GLS: variants seen among roughly 807,000 people sequenced by gnomAD.
GLS encodes the protein glutaminase kidney isoform, mitochondrial.
GLS carries 36 observed loss-of-function variants against 86.7 expected under a neutral mutation model. The ratio of observed to expected loss-of-function variants is 0.42; its 90% CI spans 0.32 to 0.55. The LOEUF (loss-of-function observed/expected upper bound fraction) is 0.55. Among genes scored for constraint, GLS ranks in the 20% least tolerant of loss-of-function variants. The pLI is 0.17. For missense variants in GLS, 528 were observed against 833.4 expected, an observed-to-expected ratio of 0.63 and a Z score of 4.51; for synonymous variants, 317 against 305.9, an observed-to-expected ratio of 1.04 and a Z score of -0.38.
In GLS at chr2:190,953,496, C is replaced by A; in HGVS notation, c.1651-69C>A. On this transcript the variant is annotated intron_variant, in intron 14 of 17. Coordinates refer to ENST00000320717, the MANE Select transcript of GLS (RefSeq NM_014905.5). This position sits in a 1 kb window ranked among gnomAD's most constrained non-coding sequence, Gnocchi z 4.0. ...GTTCAAAGCACATGGAAATCACTTG[C>A]CAGTGACAGGTGGACGTTGTATGTG... 9.9e-7 allele frequency: 1 copy of A among 1,013,058 alleles called. No homozygotes were observed. Among genetic ancestry groups the A allele is most frequent in the Non-Finnish European group, 1.6e-6 (1 of 634,530 alleles). 62.8% of individuals were successfully genotyped at this position (1,013,058 alleles called of 1,614,324 possible).
At position 190,956,565 on chromosome 2, in the gene GLS, G is replaced by A. The variant is rs1690865794; in HGVS notation, c.1853+1747G>A. Among the ~76,000 whole-genome samples, 1 of 152,094 alleles carries A rather than the reference G, an allele frequency of 6.6e-6. No individual in the cohort carries two copies. The highest frequency in any genetic ancestry group is 1.5e-5 in the Non-Finnish European group (1 of 68,026). ...CCTCCAGCTTTCTTCTTTTTGCTTA[G>A]GATCGTCTTGGCTATGTGGGCTCTT... On this transcript the variant is annotated intron_variant, in intron 17 of 17. Coordinates refer to ENST00000320717, the MANE Select transcript of GLS (RefSeq NM_014905.5). The surrounding 1 kb of genome is among the most constrained non-coding windows in gnomAD (Gnocchi z 4.2).
intron 14 of GLS, chr2:190,932,716 C>T: frequency 6.3e-7 from 1 of 1,584,780 alleles, no homozygotes; most frequent in Non-Finnish European, 8.6e-7. Flanking sequence ...GAACAACTAG[C>T]ATTCCTTTGG....
chr2:190,881,732 T>A (rs1000371080), intron 1 of GLS, among the ~76,000 whole-genome samples: 2 of 152,096 alleles, frequency 1.3e-5, no homozygotes, highest in Non-Finnish European at 2.9e-5. Context: ...CGGTGGGGCC[T>A]GATGGGCTCG....
At chr2:190,901,079 T>A (rs1197207970) in intron 4 of GLS, among the ~76,000 whole-genome samples, 1 of 151,980 alleles carries the variant, frequency 6.6e-6, no homozygotes, top group Non-Finnish European at 1.5e-5. Flanking sequence ...AAAGTTTTCA[T>A]TTTCTTTTGT....
At chr2:190,889,792 A>G (rs185526577) in intron 1 of GLS, among the ~76,000 whole-genome samples, 6 of 152,292 alleles carry the variant, frequency 3.9e-5, no homozygotes, top group African/African-American at 1.4e-4. Context: ...TTCCTCACAT[A>G]AAGTGGCTTT....
rs80136482 is a variant in GLS at position 190,961,577 on chromosome 2, T to C, written c.1854-1253T>C. Among the ~76,000 whole-genome samples, 1,116 of 152,264 alleles carry C rather than the reference T, an allele frequency of 7.3e-3. 12 individuals carry two copies. The highest frequency in any genetic ancestry group is 0.042 in the East Asian group (217 of 5,194). On this transcript the variant is annotated intron_variant, in intron 17 of 17. Coordinates refer to ENST00000320717, the MANE Select transcript of GLS (RefSeq NM_014905.5). ...AAGGTAACACGCAGTTGACATTCCA[T>C]TTTTCCAGAAAGACAGATAATTACA...
intron 11 of GLS, chr2:190,927,029 G>A (rs1182095127): frequency 3.6e-6 from 1 of 277,726 alleles, no homozygotes; most frequent in African/African-American, 2.2e-5. Context: ...AATATCACAT[G>A]GGATAATAAC....
intron 14 of GLS, among the ~76,000 whole-genome samples, chr2:190,952,006 A>G (rs1272934549): frequency 3.3e-5 from 5 of 152,190 alleles, no homozygotes; most frequent in Admixed American, 6.5e-5. Flanking sequence ...GGAGTTCAAG[A>G]CCAGCCTGGC....
At chr2:190,885,188 GA>G (rs1487250326) in intron 1 of GLS, among the ~76,000 whole-genome samples, 1 of 150,550 alleles carries the variant, frequency 6.6e-6, no homozygotes, top group African/African-American at 2.4e-5. Flanking sequence ...TGTATACTCT[GA>G]AAATTGAATT....
At chr2:190,907,383 GAGT>G (rs371225359) in intron 6 of GLS, among the ~76,000 whole-genome samples, 9 of 151,752 alleles carry the variant, frequency 5.9e-5, no homozygotes, top group African/African-American at 2.2e-4. Context: ...TCAGCCTCCC[GAGT>G]AGCTGGGATT....
chr2:190,960,495 G>C (rs1170985789), intron 17 of GLS, among the ~76,000 whole-genome samples: 1 of 151,274 alleles, frequency 6.6e-6, no homozygotes, highest in Non-Finnish European at 1.5e-5. Context: ...CTCCTGAGTA[G>C]CTGCAATCAC....
chr2:190,954,452 G>T lies in GLS; in HGVS notation c.1713-132G>T, dbSNP rs1323981199. 1 of 639,916 alleles carries T rather than the reference G, an allele frequency of 1.6e-6. No individual in the cohort carries two copies. The allele number at this position is 639,916 out of a possible 1,614,324, so 39.6% of individuals were successfully genotyped here. On this transcript the variant is annotated intron_variant, in intron 15 of 17. Transcript: ENST00000320717. This position sits in a 1 kb window ranked among gnomAD's most constrained non-coding sequence, Gnocchi z 4.0. ...ACCTGTGTACTGGTTAATAAGGTCG[G>T]TAGTTCCCATTAATGAGCTTGATGA...
chr2:190,911,839 T>G (rs554377068), intron 7 of GLS, among the ~76,000 whole-genome samples: 1 of 152,236 alleles, frequency 6.6e-6, no homozygotes, highest in East Asian at 1.9e-4. Flanking sequence ...TCGAGGCTGA[T>G]CCATGGGTCC....
At chr2:190,928,558 C>A (rs1435379804) in intron 12 of GLS, among the ~76,000 whole-genome samples, 1 of 152,020 alleles carries the variant, frequency 6.6e-6, no homozygotes, top group African/African-American at 2.4e-5. Flanking sequence ...TGTTCTCGAA[C>A]TCCTGACCTC....
chr2:190,891,789 A>G (rs1331193830), intron 1 of GLS, among the ~76,000 whole-genome samples: 1 of 152,136 alleles, frequency 6.6e-6, no homozygotes, highest in Non-Finnish European at 1.5e-5. Context: ...CTAAAAAATT[A>G]AGTATTCATA....
At position 190,880,907 on chromosome 2, in the gene GLS, CAG is replaced by C; in HGVS notation, c.-177_-176del. On this transcript the variant is annotated 5_prime_UTR_variant, in exon 1 of 18. Coordinates refer to ENST00000320717, the MANE Select transcript of GLS (RefSeq NM_014905.5). Reference sequence around the variant, plus strand: ...GCAGCAGCAGCAGCAGCAGCAGCAGCAGCAGCAGCAGCACCCGCATCCGCTGC... The same window carrying C: ...GCAGCAGCAGCAGCAGCAGCAGCAGCCAGCAGCAGCACCCGCATCCGCTGC... The C allele has an allele frequency of 1.1e-6, 1 of 943,610 alleles. No individual in the cohort carries two copies. The highest frequency in any genetic ancestry group is 1.4e-5 in the South Asian group (1 of 71,424). The allele number at this position is 943,610 out of a possible 1,614,324, so 58.5% of individuals were successfully genotyped here.
chr2:190,928,485 C>T (rs1300533354), intron 12 of GLS, among the ~76,000 whole-genome samples: 1 of 151,718 alleles, frequency 6.6e-6, no homozygotes, highest in African/African-American at 2.4e-5. Context: ...CAGGCGCCTG[C>T]CACTGCACCT....
At chr2:190,931,912 T>C (rs1446439031) in intron 14 of GLS, among the ~76,000 whole-genome samples, 1 of 152,000 alleles carries the variant, frequency 6.6e-6, no homozygotes, top group Non-Finnish European at 1.5e-5. Context: ...GATTTCCCCT[T>C]CCATTTTCTG....
chr2:190,932,857 A>G, intron 14 of GLS: 1 of 1,521,144 alleles, frequency 6.6e-7, no homozygotes, highest in Non-Finnish European at 8.8e-7. Context: ...GGGAGAGAAA[A>G]GCTAAAGAAA....
Sources: allele counts gnomAD v4.1 joint callset (sites outside exome capture counted in the v4.1 genomes callset), GRCh38; gene constraint gnomAD v4.1.1; non-coding constraint Gnocchi (gnomAD v3.1); transcripts MANE v1.5; gene names NCBI Gene and HGNC (gene_info 2026-07-23, HGNC 2026-07-21).